Variants in RBBP7 observed in about 807,000 individuals in gnomAD.
The protein encoded by RBBP7 is histone-binding protein RBBP7.
A neutral mutation model predicts 35.2 loss-of-function variants in RBBP7; 5 were observed. The ratio of observed to expected loss-of-function variants is 0.14; its 90% CI spans 0.07 to 0.30. The LOEUF (loss-of-function observed/expected upper bound fraction) is 0.30. Among genes scored for constraint, RBBP7 ranks in the 10% least tolerant of loss-of-function variants. The pLI is 1.00. For missense variants in RBBP7, 155 were observed against 327.5 expected (o/e 0.47, Z 4.07); for synonymous variants, 140 against 118.7 (o/e 1.18, Z -1.17).
Position 16,855,379 on chromosome X carries a change from ATTTCCCAGTAATGGCTAT to A in RBBP7, c.598-1555_598-1538del, listed in dbSNP as rs748425618. Among the ~76,000 whole-genome samples, 270 of 112,079 alleles carry A rather than the reference ATTTCCCAGTAATGGCTAT, an allele frequency of 2.4e-3. 3 individuals carry two copies. Among genetic ancestry groups the A allele is most frequent in the Admixed American group, 0.023 (243 of 10,571 alleles). ...ATGAAGGACTTTCTGTAACAAAGCTATTTCCCAGTAATGGCTATTTTCCCAGTAACAAAATTTTTTTTT... is the reference window on the plus strand; with the variant it reads ...ATGAAGGACTTTCTGTAACAAAGCTATTTCCCAGTAACAAAATTTTTTTTT... On this transcript the variant is annotated intron_variant, in intron 5 of 11. Coordinates refer to ENST00000380087, the MANE Select transcript of RBBP7 (RefSeq NM_002893.4).
chrX:16,869,575 A>G (rs1930719228), intron 1 of RBBP7: 5 of 1,166,704 alleles, frequency 4.3e-6, no homozygotes, highest in Non-Finnish European at 5.7e-6. Context: ...AGAAGCCCAC[A>G]GGCCTGGTCT....
chrX:16,860,324 CAG>C (rs930443953), intron 3 of RBBP7, among the ~76,000 whole-genome samples: 6 of 107,525 alleles, frequency 5.6e-5, no homozygotes, highest in Non-Finnish European at 9.6e-5. Context: ...ACTTTGAACA[CAG>C]AGTTTTGTTT....
At chrX:16,864,542 A>G (rs952995159) in intron 2 of RBBP7, among the ~76,000 whole-genome samples, 7 of 40,715 alleles carry the variant, frequency 1.7e-4, no homozygotes, top group South Asian at 1.6e-3. Flanking sequence ...AAAAAAAAAA[A>G]AAAAAGAAAA....
chrX:16,864,542 A>AAAAAAAAAAAAAG (rs1569063331), intron 2 of RBBP7, among the ~76,000 whole-genome samples: 7 of 40,723 alleles, frequency 1.7e-4, no homozygotes, highest in African/African-American at 7.5e-4. Context: ...AAAAAAAAAA[A>AAAAAAAAAAAAAG]AAAAAGAAAA....
intron 2 of RBBP7, among the ~76,000 whole-genome samples, chrX:16,867,283 A>AT (rs2147530480): frequency 8.9e-6 from 1 of 112,175 alleles, no homozygotes; most frequent in Non-Finnish European, 1.9e-5. Context: ...TAGGGGCATG[A>AT]TTTTAACCCA....
chrX:16,867,451 T>C (rs1295778321), intron 2 of RBBP7, among the ~76,000 whole-genome samples: 1 of 111,366 alleles, frequency 9.0e-6, no homozygotes, highest in African/African-American at 3.3e-5. Flanking sequence ...AATACCCGAG[T>C]ATATGATGCT....
rs187154873 is a variant in RBBP7, at chrX:16,852,797, T to A, written c.837A>T (p.Ser279=). ...GAATAAATTCGCTGTAGGGATTGAA[T>A]GAGAGGCAGTTGACTTCGGCAGTGT... The part of the protein sequence containing the change: ...DAHTAEVNCL[S]FNPYSEFILA... The change falls in exon 7 of 12, where the codon TCA becomes TCT. Residue 279 remains serine, a synonymous_variant. Coordinates refer to ENST00000380087, the MANE Select transcript of RBBP7 (RefSeq NM_002893.4). 8.3e-7 allele frequency: 1 copy of A among 1,210,703 alleles called. No individual in the cohort carries two copies. Among genetic ancestry groups the A allele is most frequent in the East Asian group, 3.0e-5 (1 of 33,801 alleles).
intron 2 of RBBP7, among the ~76,000 whole-genome samples, chrX:16,866,567 A>C (rs1431175078): frequency 2.4e-4 from 23 of 95,719 alleles, no homozygotes; most frequent in Non-Finnish European, 4.5e-4. Context: ...AGAAAGAAAG[A>C]AAGCAAGAAA....
chrX:16,868,457 C>CTT (rs1416367822), intron 2 of RBBP7, among the ~76,000 whole-genome samples: 1 of 111,956 alleles, frequency 8.9e-6, no homozygotes, highest in Non-Finnish European at 1.9e-5. Context: ...AACAACAGGA[C>CTT]GTAGATTCTT....
chrX:16,868,728 G>GTGTGAAC (rs1412501939), intron 2 of RBBP7, among the ~76,000 whole-genome samples: 3 of 112,542 alleles, frequency 2.7e-5, no homozygotes, highest in African/African-American at 9.7e-5. Flanking sequence ...CACTTAAGAT[G>GTGTGAAC]TGTGAACTTT....
chrX:16,845,049 C>T lies in RBBP7; in HGVS notation c.1264G>A (p.Gly422Arg). 8.3e-7 allele frequency: 1 copy of T among 1,207,794 alleles called. No homozygotes were observed. The highest frequency in any genetic ancestry group is 2.3e-4 in the Middle Eastern group (1 of 4,348). Reference sequence around the variant, plus strand: ...GTACTTTGGGTTTAAGATCCTTGTCCCTCCAGTTCGGATGTCGTGACATCT... The same window carrying T: ...GTACTTTGGGTTTAAGATCCTTGTCTCTCCAGTTCGGATGTCGTGACATCT... Reference protein sequence around the residue: ...ESDVTTSELEGQGS With the variant: ...ESDVTTSELERQGS Residue 422 changes from glycine to arginine, a missense_variant, in exon 12 of 12, where the codon GGA becomes AGA. Transcript: ENST00000380087.
chrX:16,870,162 C>T lies in RBBP7; in HGVS notation c.-109G>A. The T allele has an allele frequency of 1.1e-6, 1 of 945,003 alleles. No homozygotes were observed. Among genetic ancestry groups the T allele is most frequent in the Non-Finnish European group, 1.3e-6 (1 of 744,946 alleles). 77.9% of individuals were successfully genotyped at this position (945,003 alleles called of 1,213,427 possible). A position where few individuals can be genotyped will look rare whatever the true frequency, so the allele number is the denominator to read the frequency against. ...TTTCCCAAGCGCGTCACACTCCCCA[C>T]TGTCGAAAGCCCGGGCCCCGTCTTG... On this transcript the variant is annotated 5_prime_UTR_variant, in exon 1 of 12. In the 5' UTR this introduces an upstream ATG that the reference lacks. Coordinates refer to ENST00000380087, the MANE Select transcript of RBBP7 (RefSeq NM_002893.4).
At position 16,869,561 on chromosome X, in the gene RBBP7, T is replaced by G. The variant is rs924619509; in HGVS notation, c.17-341A>C. The G allele has an allele frequency of 3.3e-5, 39 of 1,164,727 alleles. No individual in the cohort carries two copies. In the Middle Eastern group the frequency reaches 1.4e-3, roughly 41 times the overall value. On this transcript the variant is annotated intron_variant, in intron 1 of 11. Coordinates refer to ENST00000380087, the MANE Select transcript of RBBP7 (RefSeq NM_002893.4). ...CCAGTCGGGAAGACAAATGCACGTGTAGCAGAAGCCCACAGGCCTGGTCTC... is the reference window on the plus strand; with the variant it reads ...CCAGTCGGGAAGACAAATGCACGTGGAGCAGAAGCCCACAGGCCTGGTCTC...
At chrX:16,853,232 A>C in intron 6 of RBBP7, 1 of 198,750 alleles carries the variant, frequency 5.0e-6, no homozygotes, top group East Asian at 1.0e-4. Flanking sequence ...ATTTCTTTAT[A>C]AGATTATAAG....
chrX:16,858,885 T>C, intron 3 of RBBP7, 36 bp from the exon 4 acceptor site: 1 of 1,170,147 alleles, frequency 8.5e-7, no homozygotes. Flanking sequence ...ACACACACAC[T>C]CAGGATTAAA....
chrX:16,866,298 C>A (rs1047442992), intron 2 of RBBP7, among the ~76,000 whole-genome samples: 4 of 109,574 alleles, frequency 3.7e-5, no homozygotes, highest in South Asian at 7.8e-4. Flanking sequence ...GAGGCCGAGG[C>A]GGGCGGATCA....
chrX:16,844,749 G>C lies in RBBP7; in HGVS notation c.*286C>G. 1 of 217,473 alleles carries C rather than the reference G, an allele frequency of 4.6e-6. No individual in the cohort carries two copies. The allele number at this position is 217,473 out of a possible 1,213,427, so 17.9% of individuals were successfully genotyped here. On this transcript the variant is annotated 3_prime_UTR_variant, in exon 12 of 12. Transcript: ENST00000380087. ...CATATTTGGGAACAGCAAGCACTTA[G>C]TTTGAGAAAATGAGGACTTAAAACA...
intron 5 of RBBP7, among the ~76,000 whole-genome samples, chrX:16,856,488 C>T (rs1930355555): frequency 9.1e-6 from 1 of 110,407 alleles, no homozygotes; most frequent in Non-Finnish European, 1.9e-5. Flanking sequence ...TGAGATCGTG[C>T]CACTATACTC....
chrX:16,868,095 GTTTT>G (rs970278046), intron 2 of RBBP7, among the ~76,000 whole-genome samples: 3 of 111,723 alleles, frequency 2.7e-5, no homozygotes, highest in Non-Finnish European at 5.6e-5. Flanking sequence ...TAAGATGCTT[GTTTT>G]TTGTTTCTTT....
Sources: allele counts gnomAD v4.1 joint callset (sites outside exome capture counted in the v4.1 genomes callset), GRCh38; gene constraint gnomAD v4.1.1; transcripts MANE v1.5; gene names NCBI Gene and HGNC (gene_info 2026-07-23, HGNC 2026-07-21).